The following KCNH8 variants were observed in gnomAD, a reference collection of about 807,000 sequenced individuals.
The protein encoded by KCNH8 is potassium voltage-gated channel subfamily H member 8, also known as voltage-gated delayed rectifier potassium channel KCNH8.
In KCNH8, 70 loss-of-function variants were observed where a neutral mutation model predicts 103.6. That is an observed-to-expected ratio of 0.68 (90% CI 0.56 to 0.82). The LOEUF is 0.82. KCNH8 is among the 40% of genes least tolerant of loss of function. The pLI is 0.00. For missense variants in KCNH8, 1,217 were observed against 1,329.9 expected (o/e 0.92, Z 1.32); for synonymous variants, 498 against 489.4 (o/e 1.02, Z -0.23).
At chr3:19,370,556 T>C (rs546299447) in intron 5 of KCNH8, among the ~76,000 whole-genome samples, 1 of 152,206 alleles carries the variant, frequency 6.6e-6, no homozygotes, top group South Asian at 2.1e-4. Flanking sequence ...CATATATTAT[T>C]ACTAAGCTAA....
chr3:19,155,384 C>T (rs1479448567), intron 1 of KCNH8, among the ~76,000 whole-genome samples: 2 of 152,140 alleles, frequency 1.3e-5, no homozygotes, highest in African/African-American at 4.8e-5. Flanking sequence ...CTTATCTCTA[C>T]AATTGCAGCC....
At chr3:19,393,282 G>C (rs180845704) in intron 6 of KCNH8, among the ~76,000 whole-genome samples, 20 of 152,072 alleles carry the variant, frequency 1.3e-4, no homozygotes, top group East Asian at 5.8e-4. Flanking sequence ...TAAAACTGTA[G>C]CAAGAAGCTA....
chr3:19,168,243 G>A (rs982649481), intron 1 of KCNH8, among the ~76,000 whole-genome samples: 2 of 151,920 alleles, frequency 1.3e-5, no homozygotes, highest in African/African-American at 4.8e-5. Context: ...GAGTAGGCTG[G>A]TCACTAACTC....
intron 1 of KCNH8, among the ~76,000 whole-genome samples, chr3:19,240,592 A>G (rs2064126053): frequency 6.6e-6 from 1 of 151,582 alleles, no homozygotes; most frequent in South Asian, 2.1e-4. Context: ...AGCCTGGGCA[A>G]CAAGAGCGAA....
In KCNH8 at chr3:19,188,004, A is replaced by G. The variant is rs530953966; in HGVS notation, c.76+39209A>G. ...AGATATATTCTTAGGGTCCATGAGC[A>G]CTCTAAGGACTTCAAATATGCATTT... On this transcript the variant is annotated intron_variant, in intron 1 of 15. Transcript: ENST00000328405. Among the ~76,000 whole-genome samples the G allele has an allele frequency of 5.1e-4, 77 of 152,162 alleles. 1 individual carries two copies. In the Middle Eastern group the frequency reaches 0.031, roughly 60 times the overall value.
intron 5 of KCNH8, among the ~76,000 whole-genome samples, chr3:19,372,653 A>G (rs1472534716): frequency 6.6e-6 from 1 of 152,138 alleles, no homozygotes; most frequent in Non-Finnish European, 1.5e-5. Flanking sequence ...ACTATGTTGA[A>G]TAGGAGTGGT....
At chr3:19,502,929 G>T (rs1333669100) in intron 11 of KCNH8, among the ~76,000 whole-genome samples, 1 of 151,996 alleles carries the variant, frequency 6.6e-6, no homozygotes, top group Non-Finnish European at 1.5e-5. Flanking sequence ...TGACAAATGG[G>T]ATCTAACTAA....
chr3:19,229,963 A>T (rs1161824398), intron 1 of KCNH8, among the ~76,000 whole-genome samples: 1 of 152,226 alleles, frequency 6.6e-6, no homozygotes, highest in East Asian at 1.9e-4. Flanking sequence ...GACTGGGAAG[A>T]AAAAGAGGTT....
At chr3:19,156,223 C>G (rs2063179814) in intron 1 of KCNH8, among the ~76,000 whole-genome samples, 1 of 152,264 alleles carries the variant, frequency 6.6e-6, no homozygotes, top group Middle Eastern at 3.4e-3. Flanking sequence ...TTTTCTGTTC[C>G]TATCACAACC....
chr3:19,271,871 C>T (rs913637967), intron 2 of KCNH8, among the ~76,000 whole-genome samples: 2 of 152,236 alleles, frequency 1.3e-5, no homozygotes, highest in African/African-American at 4.8e-5. Flanking sequence ...CCCTTCTTTT[C>T]TAAAGATACA....
chr3:19,334,756 A>G (rs2065558826), intron 3 of KCNH8, among the ~76,000 whole-genome samples: 1 of 151,284 alleles, frequency 6.6e-6, no homozygotes, highest in East Asian at 1.9e-4. Context: ...AATTCACCAA[A>G]TGTTAAATTA....
chr3:19,264,522 T>C (rs1440700175), intron 2 of KCNH8, among the ~76,000 whole-genome samples: 2 of 152,092 alleles, frequency 1.3e-5, no homozygotes, highest in East Asian at 3.9e-4. Flanking sequence ...GCCAGAATGA[T>C]GAGAAGAAAG....
chr3:19,496,862 A>G (rs184477596), intron 11 of KCNH8, among the ~76,000 whole-genome samples: 2 of 152,120 alleles, frequency 1.3e-5, no homozygotes, highest in Admixed American at 6.5e-5. Flanking sequence ...TACTGTTTCA[A>G]TTTTGGAACT....
intron 1 of KCNH8, among the ~76,000 whole-genome samples, chr3:19,154,960 T>C (rs767591080): frequency 8.5e-5 from 13 of 152,224 alleles, no homozygotes; most frequent in Non-Finnish European, 1.5e-4. Flanking sequence ...AGACTTCAAC[T>C]TCACCTATGA....
At chr3:19,274,704 A>G (rs2064637951) in intron 2 of KCNH8, among the ~76,000 whole-genome samples, 1 of 152,034 alleles carries the variant, frequency 6.6e-6, no homozygotes, top group Non-Finnish European at 1.5e-5. Context: ...GTGGCTATAC[A>G]TACACCTGGG....
At chr3:19,389,023 A>C (rs1377930188) in intron 5 of KCNH8, among the ~76,000 whole-genome samples, 2 of 152,176 alleles carry the variant, frequency 1.3e-5, no homozygotes, top group Non-Finnish European at 2.9e-5. Context: ...GCTCATACGA[A>C]GAACCTGTGT....
At chr3:19,505,115 T>C (rs2068667362) in intron 11 of KCNH8, among the ~76,000 whole-genome samples, 1 of 151,502 alleles carries the variant, frequency 6.6e-6, no homozygotes, top group African/African-American at 2.4e-5. Flanking sequence ...CATGGAATAC[T>C]ACACCGCTGT....
At chr3:19,262,135 CT>C (rs1486654806) in intron 2 of KCNH8, among the ~76,000 whole-genome samples, 1 of 151,336 alleles carries the variant, frequency 6.6e-6, no homozygotes, top group Non-Finnish European at 1.5e-5. Context: ...TATTTTCTGT[CT>C]GTGGATATGT....
intron 15 of KCNH8, among the ~76,000 whole-genome samples, chr3:19,518,621 A>C (rs1011762389): frequency 6.6e-6 from 1 of 151,968 alleles, no homozygotes; most frequent in Non-Finnish European, 1.5e-5. Context: ...AAATTTGTCC[A>C]TTTCACCAAT....
Sources: allele counts gnomAD v4.1 joint callset (sites outside exome capture counted in the v4.1 genomes callset), GRCh38; gene constraint gnomAD v4.1.1; transcripts MANE v1.5; gene names NCBI Gene and HGNC (gene_info 2026-07-23, HGNC 2026-07-21).